Variants in ZNF615 observed in about 807,000 individuals in gnomAD.
ZNF615 encodes the protein zinc finger protein 615.
ZNF615 carries 15 observed loss-of-function variants against 15.3 expected under a neutral mutation model. The ratio of observed to expected loss-of-function variants is 0.98; its 90% CI spans 0.66 to 1.51. The LOEUF (loss-of-function observed/expected upper bound fraction) is 1.51. Among genes scored for constraint, ZNF615 ranks in the 40% most tolerant of loss-of-function variants. The pLI, the probability that ZNF615 is intolerant of heterozygous loss-of-function variation, is 0.00. For missense variants in ZNF615, 848 were observed against 895.9 expected, an observed-to-expected ratio of 0.95 and a Z score of 0.68; for synonymous variants, 268 against 294.6, an observed-to-expected ratio of 0.91 and a Z score of 0.92.
At position 51,993,876 on chromosome 19, in the gene ZNF615, A is replaced by T. The variant is rs755777094; in HGVS notation, c.1233T>A (p.Tyr411Ter). 3.3e-5 allele frequency: 54 copies of T among 1,613,992 alleles called. 1 individual carries two copies. Among genetic ancestry groups the T allele is most frequent in the Non-Finnish European group, 4.1e-5 (48 of 1,180,012 alleles). The change falls in exon 7 of 7, where the codon TAT becomes TAA. Residue 411 changes from tyrosine (Y) to a stop codon, truncating the protein, a stop_gained. Coordinates refer to ENST00000598071, the MANE Select transcript of ZNF615 (RefSeq NM_001199324.2). LOFTEE classifies it low-confidence loss of function (END_TRUNC). ...AGCCTTTTCCACATTCACTACATGT[A>T]TATAATTTCTCTCCTGTATGAGTTT... Reference protein sequence around the residue: ...HQQTHTGEKLYTCSECGKGFS... With the variant: ...HQQTHTGEKL
At chr19:52,001,570 A>G (rs2086592487) in intron 5 of ZNF615, among the ~76,000 whole-genome samples, 1 of 148,582 alleles carries the variant, frequency 6.7e-6, no homozygotes. Flanking sequence ...GTGAGCCAAG[A>G]TTGCGCTACT....
chr19:51,995,805 G>C (rs1198638841), intron 6 of ZNF615, among the ~76,000 whole-genome samples: 1 of 151,680 alleles, frequency 6.6e-6, no homozygotes, highest in Admixed American at 6.6e-5. Context: ...AGCTCAAGAA[G>C]ATCCACCTCC....
chr19:52,005,206 C>T (rs538805794), intron 2 of ZNF615, among the ~76,000 whole-genome samples: 1 of 152,234 alleles, frequency 6.6e-6, no homozygotes, highest in South Asian at 2.1e-4. Context: ...GTGCAGTGAG[C>T]CAAGATTGTG....
rs1256670312 is a variant in ZNF615 at position 51,992,953 on chromosome 19, T to C, written c.2156A>G (p.Tyr719Cys). 5.6e-6 allele frequency: 9 copies of C among 1,614,082 alleles called. No individual in the cohort carries two copies. In the Admixed American group the frequency reaches 6.7e-5, roughly 12 times the overall value. Residue 719 changes from tyrosine to cysteine, a missense_variant, in exon 7 of 7, where the codon TAT (tyrosine) becomes TGT (cysteine). Transcript: ENST00000598071. Reference protein sequence around the residue: ...HQRKHTGERPYGCSDCGKAFA... With the variant: ...HQRKHTGERPCGCSDCGKAFA... Reference sequence around the variant, plus strand: ...AGCTTTCCCACAATCACTACATCCATAGGGCCTCTCTCCTGTATGTTTTCT... The same window carrying C: ...AGCTTTCCCACAATCACTACATCCACAGGGCCTCTCTCCTGTATGTTTTCT...
Position 51,993,717 on chromosome 19 carries a change from C to A in ZNF615, c.1392G>T (p.Glu464Asp), listed in dbSNP as rs1176163727. 3.7e-6 allele frequency: 6 copies of A among 1,614,018 alleles called. No homozygotes were observed. The highest frequency in any genetic ancestry group is 5.1e-6 in the Non-Finnish European group (6 of 1,180,002). Residue 464 changes from glutamate to aspartate, a missense_variant, in exon 7 of 7, where the codon GAG becomes GAT. Glu to Asp is a conservative substitution (Grantham distance 45). Coordinates refer to ENST00000598071, the MANE Select transcript of ZNF615 (RefSeq NM_001199324.2). ...GACATTCGGTGCATACATAGGGTTT[C>A]TCTCCAGTATGTGTTCGCTGATGTC... ...LIRHQRTHTG[E>D]KPYVCTECRK...
At chr19:51,997,546 C>G (rs1164491220) in intron 6 of ZNF615, among the ~76,000 whole-genome samples, 3 of 152,164 alleles carry the variant, frequency 2.0e-5, no homozygotes, top group Non-Finnish European at 4.4e-5. Context: ...AAAGAGGGAA[C>G]AATGATTTGC....
rs200082085 is a variant in ZNF615, at chr19:51,993,052, G to A, written c.2057C>T (p.Thr686Ile). The change falls in exon 7 of 7, where the codon ACA becomes ATA. Residue 686 changes from threonine to isoleucine, a missense_variant. Physicochemically the swap from Thr to Ile is moderately conservative, Grantham distance 89 (BLOSUM62 -1). Coordinates refer to ENST00000598071, the MANE Select transcript of ZNF615 (RefSeq NM_001199324.2). ...NDLITHQRIH[T>I]GEKPYKCSDC... The stretch of plus-strand genomic sequence containing the variant: ...ACTGCATTTGTACGGTTTCTCTCCT[G>A]TGTGAATTCTCTGATGTGTAATAAG... The A allele has an allele frequency of 3.1e-6, 5 of 1,614,172 alleles. No individual in the cohort carries two copies. Among genetic ancestry groups the A allele is most frequent in the Admixed American group, 3.3e-5 (2 of 60,018 alleles).
chr19:51,996,401 A>AC (rs1196427764), intron 6 of ZNF615, among the ~76,000 whole-genome samples: 12 of 148,592 alleles, frequency 8.1e-5, no homozygotes, highest in East Asian at 5.8e-4. Flanking sequence ...AAAAAAAAAA[A>AC]AAAAAAACGC....
intron 6 of ZNF615, among the ~76,000 whole-genome samples, chr19:51,999,864 G>C (rs1006894044): frequency 5.3e-5 from 8 of 152,270 alleles, no homozygotes; most frequent in South Asian, 2.1e-4. Flanking sequence ...TCAGCATGTA[G>C]AAAACACTTA....
chr19:51,995,161 C>CA (rs2086382090), intron 6 of ZNF615, among the ~76,000 whole-genome samples: 1 of 152,138 alleles, frequency 6.6e-6, no homozygotes, highest in Admixed American at 6.5e-5. Flanking sequence ...ATCTCTTACA[C>CA]ATTGGGAGAG....
Position 52,001,914 on chromosome 19 carries a change from C to A in ZNF615, c.143-6G>T. 6.2e-7 allele frequency: 1 copy of A among 1,613,974 alleles called. No individual in the cohort carries two copies. The highest frequency in any genetic ancestry group is 1.1e-5 in the South Asian group (1 of 91,080). ...TGGTTTGCTGGCTTGATACCCTGTT[C>A]ATGGGAAATGACAGAAGATTTAGAC... On this transcript the variant is annotated splice_polypyrimidine_tract_variant and splice_region_variant and intron_variant, in intron 4 of 6. Coordinates refer to ENST00000598071, the MANE Select transcript of ZNF615 (RefSeq NM_001199324.2).
rs1280812477 is a variant in ZNF615, at chr19:51,993,456, A to G, written c.1653T>C (p.Tyr551=). ...AGCCTTTTCCACACTCATTGCAAATATAAGGTTTCTCTCCTGTATGAGTTC... is the reference window on the plus strand; with the variant it reads ...AGCCTTTTCCACACTCATTGCAAATGTAAGGTTTCTCTCCTGTATGAGTTC... ...HQRTHTGEKP[Y]ICNECGKGFT... is the part of the protein sequence containing the mutation. Residue 551 remains tyrosine, a synonymous_variant, in exon 7 of 7, where the codon TAT becomes TAC. Coordinates refer to ENST00000598071, the MANE Select transcript of ZNF615 (RefSeq NM_001199324.2). 17 of 1,614,156 alleles carry G rather than the reference A, an allele frequency of 1.1e-5. No homozygotes were observed. The highest frequency in any genetic ancestry group is 1.4e-5 in the Non-Finnish European group (17 of 1,180,020).
rs551056571 is a variant in ZNF615, at chr19:52,000,543, G to A, written c.239-165C>T. On this transcript the variant is annotated intron_variant, in intron 5 of 6. Coordinates refer to ENST00000598071, the MANE Select transcript of ZNF615 (RefSeq NM_001199324.2). ...GACAAGTAAAATACATGGAAATAAA[G>A]TATACATTAGATAATATTAAGGCAG... 3.3e-5 allele frequency among the ~76,000 whole-genome samples: 5 copies of A among 152,230 alleles called. No homozygotes were observed. The South Asian group carries it at 1.0e-3, about 32-fold the overall frequency.
At chr19:51,994,948 A>T in intron 6 of ZNF615, 111 bp from the exon 7 acceptor site, 1 of 994,196 alleles carries the variant, frequency 1.0e-6, no homozygotes, top group Admixed American at 3.4e-5. Flanking sequence ...TGAAAACCCT[A>T]TTTTATTTAT....
In ZNF615 at chr19:52,007,316, T is replaced by C; in HGVS notation, c.-213A>G. On this transcript the variant is annotated 5_prime_UTR_variant, in exon 2 of 7. Coordinates refer to ENST00000598071, the MANE Select transcript of ZNF615 (RefSeq NM_001199324.2). ...ACCATGGCAGAGATGTTATCTTACT[T>C]GTGTCAGAAAGAACCTGAAAAGAAA... The C allele has an allele frequency of 1.6e-6, 2 of 1,288,940 alleles. No individual in the cohort carries two copies. Among genetic ancestry groups the C allele is most frequent in the Non-Finnish European group, 2.0e-6 (2 of 988,466 alleles). The allele number at this position is 1,288,940 out of a possible 1,614,324, so 79.8% of individuals were successfully genotyped here.
rs2086283457 is a variant in ZNF615, at chr19:51,993,082, T to G, written c.2027A>C (p.Asn676Thr). 6.2e-7 allele frequency: 1 copy of G among 1,614,048 alleles called. No homozygotes were observed. Among genetic ancestry groups the G allele is most frequent in the Admixed American group, 1.7e-5 (1 of 60,000 alleles). ...AATTCTCTGATGTGTAATAAGATCATTTTTGCGCAAAGAGAATTTTCCACA... is the reference window on the plus strand; with the variant it reads ...AATTCTCTGATGTGTAATAAGATCAGTTTTGCGCAAAGAGAATTTTCCACA... ...TECGKFSLRK[N>T]DLITHQRIHT... is the part of the protein sequence containing the mutation. The change falls in exon 7 of 7, where the codon AAT becomes ACT. Residue 676 changes from asparagine (N) to threonine (T), a missense_variant. By Grantham distance (65) the Asn-to-Thr change is moderately conservative. Transcript: ENST00000598071.
intron 6 of ZNF615, among the ~76,000 whole-genome samples, chr19:51,999,133 T>C (rs1166104319): frequency 1.3e-5 from 2 of 152,186 alleles, no homozygotes. Flanking sequence ...AAGAAAACTA[T>C]ACTTAGGAAT....
At chr19:52,001,706 G>A in intron 5 of ZNF615, 107 bp downstream of exon 5, 1 of 795,358 alleles carries the variant, frequency 1.3e-6, no homozygotes, top group South Asian at 1.4e-5. Flanking sequence ...AGGAGTGATG[G>A]AGGGGCTGTT....
chr19:52,001,489 G>A (rs1032626367), intron 5 of ZNF615, among the ~76,000 whole-genome samples: 7 of 151,834 alleles, frequency 4.6e-5, no homozygotes, highest in Non-Finnish European at 1.0e-4. Flanking sequence ...GTGGTGGTAC[G>A]CACCTGTAGT....
Sources: gnomAD v4.1 joint callset for allele counts (sites outside exome capture counted in the v4.1 genomes callset) on GRCh38, gnomAD v4.1.1 for gene constraint, MANE v1.5 for transcripts, NCBI Gene and HGNC (gene_info 2026-07-23, HGNC 2026-07-21) for gene names.